The following ADAMTSL1 variants were observed in gnomAD, a reference collection of about 807,000 sequenced individuals.
ADAMTSL1 encodes the protein ADAMTS-like protein 1.
Under a neutral mutation model 201.8 loss-of-function variants are expected in ADAMTSL1, and 126 were observed. The observed-to-expected ratio is 0.62, with a 90% CI of 0.54 to 0.72. The LOEUF (loss-of-function observed/expected upper bound fraction) is 0.72. ADAMTSL1 is among the 30% of genes least tolerant of loss of function. The probability of loss-of-function intolerance (pLI) is 0.00; values close to 1 mark genes in which losing one functional copy is unlikely to be tolerated. For missense variants in ADAMTSL1, 2,679 were observed against 2,277.8 expected (o/e 1.18, Z -3.59); for synonymous variants, 1,121 against 903.4 (o/e 1.24, Z -4.32).
intron 20 of ADAMTSL1, among the ~76,000 whole-genome samples, chr9:18,803,679 CT>C (rs1037320843): frequency 2.0e-5 from 3 of 152,086 alleles, no homozygotes; most frequent in African/African-American, 2.4e-5. Context: ...AAAAACAACA[CT>C]TTTTTTTAAC....
rs56112949 is a variant in ADAMTSL1 at position 18,894,345 on chromosome 9, C to CTTTTTTTTTTTT, written c.4851+1754_4851+1765dup. ...CCTGGGTGACAGAGCAAAACCTTGT[C>CTTTTTTTTTTTT]TTTTTTTTTTTTTTTTGAAAAAGGT... is the stretch of plus-strand genomic sequence containing the variant. On this transcript the variant is annotated intron_variant, in intron 26 of 28. Coordinates refer to ENST00000380548, the MANE Select transcript of ADAMTSL1 (RefSeq NM_001040272.6). Among the ~76,000 whole-genome samples, 40 of 123,888 alleles carry CTTTTTTTTTTTT rather than the reference C, an allele frequency of 3.2e-4. 9 individuals carry two copies. The highest frequency in any genetic ancestry group is 9.3e-4 in the East Asian group (4 of 4,312). The allele number at this position is 123,888 out of a possible 152,430, so 81.3% of individuals were successfully genotyped here. A position where few individuals can be genotyped will look rare whatever the true frequency, so the allele number is the denominator to read the frequency against.
chr9:18,404,090 T>C (rs1247905915), intron 2 of ADAMTSL1, among the ~76,000 whole-genome samples: 1 of 152,210 alleles, frequency 6.6e-6, no homozygotes, highest in Non-Finnish European at 1.5e-5. Context: ...AAGGATGATG[T>C]TACTTATCCT....
intron 2 of ADAMTSL1, among the ~76,000 whole-genome samples, chr9:18,169,268 T>G (rs1232348736): frequency 7.9e-5 from 12 of 152,004 alleles, no homozygotes; most frequent in East Asian, 3.9e-4. Context: ...GGTCTAACAT[T>G]TAAGTCTTTA....
chr9:18,841,742 A>C (rs2131321496), intron 23 of ADAMTSL1, among the ~76,000 whole-genome samples: 1 of 152,296 alleles, frequency 6.6e-6, no homozygotes, highest in East Asian at 1.9e-4. Context: ...TCAGAGATTC[A>C]ACTTCTTCCT....
chr9:18,896,446 T>G (rs1829641996), intron 26 of ADAMTSL1, among the ~76,000 whole-genome samples: 1 of 152,050 alleles, frequency 6.6e-6, no homozygotes, highest in Admixed American at 6.5e-5. Flanking sequence ...GGGGCCAAGA[T>G]GGCTGATTAG....
chr9:18,177,648 C>A (rs985010429), intron 2 of ADAMTSL1, among the ~76,000 whole-genome samples: 1 of 152,188 alleles, frequency 6.6e-6, no homozygotes, highest in African/African-American at 2.4e-5. Context: ...CCAGTCATTA[C>A]ACCTATATTC....
chr9:18,706,668 G>C (rs1187326135), intron 13 of ADAMTSL1, 79 bp from the exon 14 acceptor site: 1 of 1,417,566 alleles, frequency 7.1e-7, no homozygotes, highest in Middle Eastern at 2.5e-4. Flanking sequence ...GAGGCAGGTG[G>C]GATGCAGCCC....
At chr9:18,596,640 A>T (rs1824279765) in intron 4 of ADAMTSL1, among the ~76,000 whole-genome samples, 1 of 152,188 alleles carries the variant, frequency 6.6e-6, no homozygotes, top group Non-Finnish European at 1.5e-5. Flanking sequence ...TCCTTGTGTG[A>T]ACCTATGTGA....
intron 1 of ADAMTSL1, among the ~76,000 whole-genome samples, chr9:18,482,167 AG>A (rs1277601821): frequency 1.3e-5 from 2 of 152,244 alleles, no homozygotes; most frequent in Non-Finnish European, 2.9e-5. Context: ...GTTGAAAGAA[AG>A]GGAATAGCAG....
At chr9:18,713,133 CGCT>C (rs989884837) in intron 14 of ADAMTSL1, among the ~76,000 whole-genome samples, 20 of 151,008 alleles carry the variant, frequency 1.3e-4, no homozygotes, top group Non-Finnish European at 2.5e-4. Flanking sequence ...CGGTACCAGC[CGCT>C]GCAAAATCAT....
intron 20 of ADAMTSL1, among the ~76,000 whole-genome samples, chr9:18,802,190 A>G (rs1021106473): frequency 3.9e-5 from 6 of 152,070 alleles, no homozygotes; most frequent in Middle Eastern, 3.2e-3. Context: ...GCAGGAGGAT[A>G]GCTTGAGCCT....
intron 14 of ADAMTSL1, chr9:18,718,125 C>G (rs1833075366): frequency 8.9e-7 from 1 of 1,120,826 alleles, no homozygotes; most frequent in Non-Finnish European, 1.4e-6. Flanking sequence ...CATTGTCTTG[C>G]TAGATTTTTG....
rs901068129 is a variant in ADAMTSL1, at chr9:18,891,186, C to T, written c.4644-1203C>T. On this transcript the variant is annotated intron_variant, in intron 25 of 28. Coordinates refer to ENST00000380548, the MANE Select transcript of ADAMTSL1 (RefSeq NM_001040272.6). ...CAGATGTGGCGCCGCTTGGCTAGGACGAAGCCATAGGTTCACCTTTGACCC... is the reference window on the plus strand; with the variant it reads ...CAGATGTGGCGCCGCTTGGCTAGGATGAAGCCATAGGTTCACCTTTGACCC... Among the ~76,000 whole-genome samples the T allele has an allele frequency of 3.8e-4, 58 of 152,342 alleles. 1 individual carries two copies. Among genetic ancestry groups the T allele is most frequent in the African/African-American group, 1.4e-3 (57 of 41,586 alleles).
At chr9:18,246,395 T>C (rs992618433) in intron 2 of ADAMTSL1, among the ~76,000 whole-genome samples, 3 of 152,146 alleles carry the variant, frequency 2.0e-5, no homozygotes, top group African/African-American at 7.2e-5. Flanking sequence ...AAACACAAGA[T>C]GATTTTTAAA....
chr9:18,031,090 A>G (rs1344197561), intron 1 of ADAMTSL1, among the ~76,000 whole-genome samples: 2 of 151,958 alleles, frequency 1.3e-5, no homozygotes, highest in Non-Finnish European at 2.9e-5. Flanking sequence ...CTTGGATTAG[A>G]TTTCATTTTT....
chr9:18,107,238 C>G (rs1824798606), intron 1 of ADAMTSL1, among the ~76,000 whole-genome samples: 1 of 152,164 alleles, frequency 6.6e-6, no homozygotes, highest in African/African-American at 2.4e-5. Context: ...TATGATACTT[C>G]TCATCTCCCT....
chr9:18,379,307 A>G (rs561707964), intron 2 of ADAMTSL1, among the ~76,000 whole-genome samples: 2 of 152,350 alleles, frequency 1.3e-5, no homozygotes, highest in East Asian at 1.9e-4. Flanking sequence ...AGAGATTCCA[A>G]TCTACCTGAG....
At position 18,722,541 on chromosome 9, in the gene ADAMTSL1, C is replaced by G. The variant is rs955950701; in HGVS notation, c.2006+876C>G. On this transcript the variant is annotated intron_variant, in intron 15 of 28. Transcript: ENST00000380548. ...GCTGTCAGGCATTAACAATAGTTTG[C>G]TGGTCACGATGATGCACTGCTTGTA... 1.5e-4 allele frequency among the ~76,000 whole-genome samples: 23 copies of G among 152,288 alleles called. 1 individual carries two copies. The highest frequency in any genetic ancestry group is 1.2e-3 in the Admixed American group (19 of 15,302).
chr9:18,908,661 C>G lies in ADAMTSL1; in HGVS notation c.*113C>G, dbSNP rs1830444870. On this transcript the variant is annotated 3_prime_UTR_variant, in exon 29 of 29. Transcript: ENST00000380548. Reference sequence around the variant, plus strand: ...TTTATTTATTTCCCCCTCCCCACTCCACACACACCCTTCCAACCTCCTCCA... The same window carrying G: ...TTTATTTATTTCCCCCTCCCCACTCGACACACACCCTTCCAACCTCCTCCA... 1 of 825,616 alleles carries G rather than the reference C, an allele frequency of 1.2e-6. No homozygotes were observed. Among genetic ancestry groups the G allele is most frequent in the Non-Finnish European group, 1.9e-6 (1 of 532,320 alleles). 51.1% of individuals were successfully genotyped at this position (825,616 alleles called of 1,614,324 possible). A position where few individuals can be genotyped will look rare whatever the true frequency, so the allele number is the denominator to read the frequency against.
Sources: allele counts gnomAD v4.1 joint callset (sites outside exome capture counted in the v4.1 genomes callset), GRCh38; gene constraint gnomAD v4.1.1; transcripts MANE v1.5; gene names NCBI Gene and HGNC (gene_info 2026-07-23, HGNC 2026-07-21).